SUGCT: variants seen among roughly 807,000 people sequenced by gnomAD.
SUGCT encodes succinyl-CoA:glutarate CoA-transferase.
Under a neutral mutation model 55.0 loss-of-function variants are expected in SUGCT, and 41 were observed. The ratio of observed to expected loss-of-function variants is 0.74; its 90% CI spans 0.58 to 0.97. The LOEUF is 0.97. Among genes scored for constraint, SUGCT ranks in the 50% least tolerant of loss-of-function variants. The pLI, the probability that SUGCT is intolerant of heterozygous loss-of-function variation, is 0.00. For missense variants in SUGCT, 568 were observed against 547.8 expected (o/e 1.04, Z -0.37); for synonymous variants, 187 against 200.4 (o/e 0.93, Z 0.56).
chr7:40,497,391 A>G (rs1221082149), intron 12 of SUGCT, among the ~76,000 whole-genome samples: 1 of 152,220 alleles, frequency 6.6e-6, no homozygotes, highest in Non-Finnish European at 1.5e-5. Context: ...CATTTACTGG[A>G]GAAAAAAAGT....
chr7:40,988,073 A>G, the SUGCT span, among the ~76,000 whole-genome samples: 1 of 151,780 alleles, frequency 6.6e-6, no homozygotes, highest in Admixed American at 6.6e-5. Context: ...GATCCCATCA[A>G]TTCTCCCCCA....
chr7:40,953,154 T>C, the SUGCT span, among the ~76,000 whole-genome samples: 1,666 of 152,300 alleles, frequency 0.011, 32 homozygotes, highest in African/African-American at 0.038. Flanking sequence ...TTCATTTCTT[T>C]TTATTCTTTT....
chr7:40,441,191 A>C (rs749476645), intron 9 of SUGCT, among the ~76,000 whole-genome samples: 3 of 152,188 alleles, frequency 2.0e-5, no homozygotes, highest in Non-Finnish European at 2.9e-5. Flanking sequence ...AGTCAAAATA[A>C]TTTTAAAGGT....
intron 8 of SUGCT, among the ~76,000 whole-genome samples, chr7:40,295,107 A>G (rs1030444962): frequency 2.6e-5 from 4 of 152,246 alleles, no homozygotes; most frequent in Admixed American, 6.5e-5. Flanking sequence ...TGACTGTAAA[A>G]GTATGGAGCA....
the SUGCT span, among the ~76,000 whole-genome samples, chr7:40,921,463 C>T: frequency 6.6e-6 from 1 of 152,146 alleles, no homozygotes; most frequent in Non-Finnish European, 1.5e-5. Context: ...CCATGTGCAC[C>T]TTCGTACTGA....
intron 13 of SUGCT, among the ~76,000 whole-genome samples, chr7:40,794,637 G>A (rs966838743): frequency 6.6e-6 from 1 of 152,096 alleles, no homozygotes. Flanking sequence ...TGCTAGCTTC[G>A]GAACTCATTT....
chr7:40,167,131 A>G (rs147160805), intron 1 of SUGCT, among the ~76,000 whole-genome samples: 7 of 152,326 alleles, frequency 4.6e-5, no homozygotes, highest in African/African-American at 1.7e-4. Flanking sequence ...CTAAAAACCA[A>G]TTCAGTGTCC....
At chr7:40,211,289 C>CTGTG (rs1787322491) in intron 6 of SUGCT, among the ~76,000 whole-genome samples, 1 of 152,214 alleles carries the variant, frequency 6.6e-6, no homozygotes, top group African/African-American at 2.4e-5. Context: ...TCTTGGCTCA[C>CTGTG]TGTGACCTTC....
At chr7:40,658,541 AG>A (rs956089884) in intron 12 of SUGCT, among the ~76,000 whole-genome samples, 5 of 152,070 alleles carry the variant, frequency 3.3e-5, no homozygotes, top group Admixed American at 6.6e-5. Context: ...GAACTAGCAA[AG>A]GCAGATACTC....
intron 8 of SUGCT, among the ~76,000 whole-genome samples, chr7:40,294,217 TGGGATTACA>T (rs1793976247): frequency 6.6e-6 from 1 of 152,154 alleles, no homozygotes; most frequent in Non-Finnish European, 1.5e-5. Flanking sequence ...CCCAAAGTGC[TGGGATTACA>T]GGCTTGAGCT....
At position 40,136,898 on chromosome 7, in the gene SUGCT, G is replaced by T. The variant is rs374721416; in HGVS notation, c.100+1778G>T. 5.5e-4 allele frequency among the ~76,000 whole-genome samples: 84 copies of T among 152,162 alleles called. 1 individual carries two copies. The highest frequency in any genetic ancestry group is 1.9e-3 in the African/African-American group (80 of 41,510). ...TGTAGTCCCAGTTGCTTGGGAGGCT[G>T]AGGTGGGATGGCTTGAGTCCTAGGA... On this transcript the variant is annotated intron_variant, in intron 1 of 13. Transcript: ENST00000335693.
At chr7:40,354,269 T>C (rs997158140) in intron 9 of SUGCT, among the ~76,000 whole-genome samples, 19 of 152,080 alleles carry the variant, frequency 1.2e-4, no homozygotes, top group Admixed American at 1.2e-3. Context: ...TCAGTGCTGA[T>C]AGTTCAGATT....
the SUGCT span, among the ~76,000 whole-genome samples, chr7:41,010,670 T>A: frequency 1.3e-5 from 2 of 152,166 alleles, no homozygotes; most frequent in Admixed American, 1.3e-4. Flanking sequence ...TTGGTCCAGA[T>A]GGTAATAGCA....
At chr7:40,674,650 A>G (rs1802102296) in intron 12 of SUGCT, among the ~76,000 whole-genome samples, 1 of 152,228 alleles carries the variant, frequency 6.6e-6, no homozygotes, top group Non-Finnish European at 1.5e-5. Flanking sequence ...ATAAATAAAA[A>G]TAAATTGGGA....
the SUGCT span, among the ~76,000 whole-genome samples, chr7:40,915,157 C>T: frequency 6.6e-6 from 1 of 152,134 alleles, no homozygotes; most frequent in South Asian, 2.1e-4. Context: ...TAAGGTGCGG[C>T]TGGTTGGTGC....
chr7:40,278,221 G>A (rs944659931), intron 8 of SUGCT, among the ~76,000 whole-genome samples: 6 of 152,152 alleles, frequency 3.9e-5, no homozygotes, highest in African/African-American at 1.4e-4. Flanking sequence ...CAAAACCACA[G>A]TGAGATACCG....
chr7:40,390,556 T>C (rs1399614916), intron 9 of SUGCT, among the ~76,000 whole-genome samples: 4 of 152,012 alleles, frequency 2.6e-5, no homozygotes, highest in Non-Finnish European at 5.9e-5. Context: ...GAGAATAAAA[T>C]ACCTAGGAAT....
intron 12 of SUGCT, among the ~76,000 whole-genome samples, chr7:40,625,769 G>A (rs1799498171): frequency 6.6e-6 from 1 of 152,182 alleles, no homozygotes; most frequent in African/African-American, 2.4e-5. Flanking sequence ...GGTTTAAGCA[G>A]GCTGATTAGC....
chr7:40,652,616 A>G (rs1353794493), intron 12 of SUGCT, among the ~76,000 whole-genome samples: 1 of 152,224 alleles, frequency 6.6e-6, no homozygotes, highest in Non-Finnish European at 1.5e-5. Context: ...AAATTCAGAC[A>G]TAGTCTGTTG....
Sources: gnomAD v4.1 joint callset for allele counts (sites outside exome capture counted in the v4.1 genomes callset) on GRCh38, gnomAD v4.1.1 for gene constraint, MANE v1.5 for transcripts, NCBI Gene and HGNC (gene_info 2026-07-23, HGNC 2026-07-21) for gene names.